Variants in NT5DC1 observed in about 807,000 individuals in gnomAD.
NT5DC1 encodes 5'-nucleotidase domain-containing protein 1.
Under a neutral mutation model 59.4 loss-of-function variants are expected in NT5DC1, and 42 were observed. The ratio of observed to expected loss-of-function variants is 0.71; its 90% CI spans 0.55 to 0.92. NT5DC1 has a LOEUF of 0.92. Among genes scored for constraint, NT5DC1 ranks in the 40% least tolerant of loss-of-function variants. The pLI, the probability that NT5DC1 is intolerant of heterozygous loss-of-function variation, is 0.00. For missense variants in NT5DC1, 501 were observed against 537.1 expected (o/e 0.93, Z 0.66); for synonymous variants, 172 against 188.1 (o/e 0.91, Z 0.70).
intron 6 of NT5DC1, among the ~76,000 whole-genome samples, chr6:116,196,671 A>G (rs963591711): frequency 3.3e-5 from 5 of 151,988 alleles, no homozygotes; most frequent in Non-Finnish European, 7.4e-5. Flanking sequence ...TGTGTCTGCT[A>G]TGACATTTTA....
rs372803411 is a variant in NT5DC1 at position 116,155,410 on chromosome 6, T to C, written c.529+37465T>C. On this transcript the variant is annotated intron_variant, in intron 6 of 11. Coordinates refer to ENST00000319550, the MANE Select transcript of NT5DC1 (RefSeq NM_152729.3). ...GCCAACACAAACATCTCTTTTGGAATTCAGTGGCCACTTTCTGGGTGCTCT... is the reference window on the plus strand; with the variant it reads ...GCCAACACAAACATCTCTTTTGGAACTCAGTGGCCACTTTCTGGGTGCTCT... 5.0e-4 allele frequency among the ~76,000 whole-genome samples: 76 copies of C among 152,268 alleles called. 1 individual carries two copies. The highest frequency in any genetic ancestry group is 3.4e-3 in the Middle Eastern group (1 of 294).
In NT5DC1 at chr6:116,249,033, C is replaced by G. The variant is rs749456244; in HGVS notation, c.*5009C>G. 18 of 152,154 alleles carry G rather than the reference C, an allele frequency of 1.2e-4. No homozygotes were observed. Among genetic ancestry groups the G allele is most frequent in the Non-Finnish European group, 2.2e-4 (15 of 68,020 alleles). The allele number at this position is 152,154 out of a possible 1,614,324, so 9.4% of individuals were successfully genotyped here. A position where few individuals can be genotyped will look rare whatever the true frequency, so the allele number is the denominator to read the frequency against. On this transcript the variant is annotated 3_prime_UTR_variant, in exon 12 of 12. Transcript: ENST00000319550. The stretch of plus-strand genomic sequence containing the variant: ...TGACATTTTCTGATTACATCCAGAA[C>G]AGGCATAGAAAAGGTATAATAAAGC...
chr6:116,234,001 G>T (rs549182070), intron 8 of NT5DC1, among the ~76,000 whole-genome samples: 4 of 109,156 alleles, frequency 3.7e-5, no homozygotes, highest in Admixed American at 1.3e-4. Flanking sequence ...TTTTTGAGAC[G>T]GAATCTCATT....
At chr6:116,148,121 A>T (rs370693830) in intron 6 of NT5DC1, among the ~76,000 whole-genome samples, 3 of 152,322 alleles carry the variant, frequency 2.0e-5, no homozygotes, top group East Asian at 1.9e-4. Context: ...TACATAATTG[A>T]TATGTATGTA....
At chr6:116,106,730 G>A (rs1232893398) in intron 2 of NT5DC1, among the ~76,000 whole-genome samples, 1 of 152,168 alleles carries the variant, frequency 6.6e-6, no homozygotes, top group Non-Finnish European at 1.5e-5. Context: ...TTTTGAGTAA[G>A]TCTGAATTAG....
At chr6:116,232,626 A>G (rs1477106020) in intron 8 of NT5DC1, among the ~76,000 whole-genome samples, 1 of 152,086 alleles carries the variant, frequency 6.6e-6, no homozygotes, top group African/African-American at 2.4e-5. Context: ...AGTTGAGGTT[A>G]GTGCTTCTGG....
chr6:116,196,534 A>C (rs1201860265), intron 6 of NT5DC1, among the ~76,000 whole-genome samples: 2 of 152,118 alleles, frequency 1.3e-5, no homozygotes, highest in African/African-American at 4.8e-5. Context: ...CAAAGAAATT[A>C]TATCAATTAG....
At chr6:116,206,752 A>AG (rs1309554186) in intron 6 of NT5DC1, among the ~76,000 whole-genome samples, 1 of 151,962 alleles carries the variant, frequency 6.6e-6, no homozygotes, top group Non-Finnish European at 1.5e-5. Flanking sequence ...TTATATCTGG[A>AG]GGGCAAAACA....
intron 6 of NT5DC1, among the ~76,000 whole-genome samples, chr6:116,188,537 G>A (rs1582862863): frequency 6.6e-6 from 1 of 151,966 alleles, no homozygotes; most frequent in East Asian, 1.9e-4. Flanking sequence ...AGTAATACAG[G>A]ATATACATAT....
At chr6:116,234,108 G>A (rs1187820609) in intron 8 of NT5DC1, among the ~76,000 whole-genome samples, 2 of 149,382 alleles carry the variant, frequency 1.3e-5, no homozygotes, top group Non-Finnish European at 3.0e-5. Context: ...CTACAGGCAC[G>A]CACCACCATG....
chr6:116,230,865 C>T (rs183884804), intron 8 of NT5DC1, among the ~76,000 whole-genome samples: 1 of 152,244 alleles, frequency 6.6e-6, no homozygotes, highest in Admixed American at 6.5e-5. Flanking sequence ...CTGTCTTTAG[C>T]ACAATTCCAA....
At position 116,122,036 on chromosome 6, in the gene NT5DC1, A is replaced by G. The variant is rs1267099072; in HGVS notation, c.529+4091A>G. On this transcript the variant is annotated intron_variant, in intron 6 of 11. Transcript: ENST00000319550. ...CATTAAAGAGAATCATTGCCTTTCA[A>G]ACTATGAATTGGGACACGATATTTC... 10 of 1,268,508 alleles carry G rather than the reference A, an allele frequency of 7.9e-6. No homozygotes were observed. In the East Asian group the frequency reaches 1.8e-4, roughly 23 times the overall value. The allele number at this position is 1,268,508 out of a possible 1,614,324, so 78.6% of individuals were successfully genotyped here. A position where few individuals can be genotyped will look rare whatever the true frequency, so the allele number is the denominator to read the frequency against.
chr6:116,155,590 A>G (rs1226901637), intron 6 of NT5DC1, among the ~76,000 whole-genome samples: 1 of 152,130 alleles, frequency 6.6e-6, no homozygotes, highest in East Asian at 1.9e-4. Context: ...GTATTTACCT[A>G]TCAGTATTCT....
rs557259579 is a variant in NT5DC1 at position 116,205,380 on chromosome 6, G to T, written c.530-15674G>T. On this transcript the variant is annotated intron_variant, in intron 6 of 11. Transcript: ENST00000319550. ...ATTTAGAACATATATTTGGAAATTTGGAAGTGTTCACATATCTTACTTGAG... is the reference window on the plus strand; with the variant it reads ...ATTTAGAACATATATTTGGAAATTTTGAAGTGTTCACATATCTTACTTGAG... Among the ~76,000 whole-genome samples, 4 of 151,920 alleles carry T rather than the reference G, an allele frequency of 2.6e-5. No individual in the cohort carries two copies. The East Asian group carries it at 5.8e-4, about 22-fold the overall frequency.
intron 8 of NT5DC1, among the ~76,000 whole-genome samples, chr6:116,229,990 C>A (rs1221689467): frequency 6.6e-6 from 1 of 152,156 alleles, no homozygotes; most frequent in Non-Finnish European, 1.5e-5. Context: ...CCAAACATGC[C>A]GGTCACCTTG....
chr6:116,136,511 C>T (rs2114349172), intron 6 of NT5DC1, among the ~76,000 whole-genome samples: 1 of 151,940 alleles, frequency 6.6e-6, no homozygotes, highest in East Asian at 1.9e-4. Flanking sequence ...AGTGGAATGA[C>T]TCATCCAAGG....
intron 1 of NT5DC1, among the ~76,000 whole-genome samples, chr6:116,102,550 T>C (rs1054017396): frequency 6.6e-6 from 1 of 152,228 alleles, no homozygotes. Flanking sequence ...GGAGGTAATA[T>C]TGTTAAACCA....
intron 3 of NT5DC1, among the ~76,000 whole-genome samples, chr6:116,109,919 A>G (rs1440591126): frequency 6.6e-6 from 1 of 152,234 alleles, no homozygotes; most frequent in East Asian, 1.9e-4. Flanking sequence ...CAACTACAGT[A>G]GTCCCTCCTT....
Position 116,127,806 on chromosome 6 carries a change from C to T in NT5DC1, c.529+9861C>T, listed in dbSNP as rs540931293. 2.0e-3 allele frequency among the ~76,000 whole-genome samples: 305 copies of T among 152,248 alleles called. 1 individual carries two copies. Among genetic ancestry groups the T allele is most frequent in the South Asian group, 1.2e-3 (6 of 4,830 alleles). ...GACTGATACCCTGTTAGTTATCACT[C>T]GTGAACGTTCAGAAGACTAATTCTC... On this transcript the variant is annotated intron_variant, in intron 6 of 11. Coordinates refer to ENST00000319550, the MANE Select transcript of NT5DC1 (RefSeq NM_152729.3).
Sources: gnomAD v4.1 joint callset for allele counts (sites outside exome capture counted in the v4.1 genomes callset) on GRCh38, gnomAD v4.1.1 for gene constraint, MANE v1.5 for transcripts, NCBI Gene and HGNC (gene_info 2026-07-23, HGNC 2026-07-21) for gene names.